TMIE: variants seen among roughly 807,000 people sequenced by gnomAD.
The protein encoded by TMIE is transmembrane inner ear expressed protein.
A neutral mutation model predicts 16.8 loss-of-function variants in TMIE; 14 were observed. The observed-to-expected ratio is 0.83, with a 90% confidence interval of 0.55 to 1.30. The LOEUF is 1.30. TMIE is among the 50% of genes most tolerant of loss of function. The pLI is 0.00. For synonymous variants in TMIE, 75 were observed against 87.2 expected, an observed-to-expected ratio of 0.86 and a Z score of 0.78; for missense variants, 204 against 205.9, an observed-to-expected ratio of 0.99 and a Z score of 0.06.
chr3:46,701,234 C>A, upstream of TMIE: 11 of 351,964 alleles, frequency 3.1e-5, no homozygotes, highest in East Asian at 5.5e-5. The surrounding 1 kb of genome is among the most constrained non-coding windows in gnomAD (Gnocchi z 4.3). Context: ...ACCTCAGTGT[C>A]CCTGGGGATG....
upstream of TMIE, among the ~76,000 whole-genome samples, chr3:46,697,123 G>GAA (rs11411968): frequency 4.6e-5 from 7 of 151,020 alleles, no homozygotes; most frequent in African/African-American, 1.2e-4. Context: ...AAAGATGGGG[G>GAA]AAAAAAAAAC....
At chr3:46,702,212 C>T (rs892345814) in intron 1 of TMIE, among the ~76,000 whole-genome samples, 3 of 152,034 alleles carry the variant, frequency 2.0e-5, no homozygotes, top group Non-Finnish European at 4.4e-5. Flanking sequence ...GGAAGTCTGA[C>T]TTGGTCCTGG....
Position 46,705,850 on chromosome 3 carries a change from T to A in TMIE, c.154T>A (p.Trp52Arg). 1 of 1,614,174 alleles carries A rather than the reference T, an allele frequency of 6.2e-7. No homozygotes were observed. The highest frequency in any genetic ancestry group is 1.6e-4 in the Middle Eastern group (1 of 6,062). ...PPLTKETVVF[W>R]DMRLWHVVGI... ...GCTGACCAAGGAGACAGTGGTGTTC[T>A]GGGACATGCGCCTGTGGCACGTGGT... The change falls in exon 2 of 4, where the codon TGG becomes AGG. Residue 52 changes from tryptophan (W) to arginine (R), a missense_variant. Transcript: ENST00000643606.
Position 46,709,615 on chromosome 3 carries a change from G to T in TMIE, c.398G>T (p.Ser133Ile). The stretch of plus-strand genomic sequence containing the variant: ...AAGAAGAAGAAGAAGAAGAAGGACA[G>T]TGTGGACACAGTGGCCATCAAAGTA... ...KKKKKKKKKD[S>I]VDTVAIKVEE... Residue 133 changes from serine (S) to isoleucine (I), a missense_variant, in exon 4 of 4, where the codon AGT becomes ATT. Transcript: ENST00000643606. 6.2e-7 allele frequency: 1 copy of T among 1,612,188 alleles called. No homozygotes were observed. Among genetic ancestry groups the T allele is most frequent in the Non-Finnish European group, 8.5e-7 (1 of 1,178,692 alleles).
intron 2 of TMIE, among the ~76,000 whole-genome samples, chr3:46,707,367 C>T (rs759484192): frequency 9.2e-5 from 14 of 152,212 alleles, no homozygotes; most frequent in Non-Finnish European, 1.6e-4. Context: ...CATCTCTAAC[C>T]CCATTTCCTA....
upstream of TMIE, among the ~76,000 whole-genome samples, chr3:46,699,803 C>G (rs968310387): frequency 6.6e-6 from 1 of 152,224 alleles, no homozygotes; most frequent in African/African-American, 2.4e-5. Context: ...CTGTAAGCAG[C>G]AGAGCACTGC....
chr3:46,697,649 G>A (rs6804514), upstream of TMIE, among the ~76,000 whole-genome samples: 64,529 of 151,964 alleles, frequency 0.42, 15,715 homozygotes, highest in African/African-American at 0.68. Flanking sequence ...AGGAACCCCA[G>A]CGTGAAGCCA....
chr3:46,694,609 C>T (rs1019155946), exon 1 of TMIE: 1 of 152,342 alleles, frequency 6.6e-6, no homozygotes, highest in African/African-American at 2.4e-5. Flanking sequence ...TGAAGAGACC[C>T]CCAGTGGAGG....
At chr3:46,696,389 G>A (rs1700412105) in intron 1 of TMIE, among the ~76,000 whole-genome samples, 1 of 152,176 alleles carries the variant, frequency 6.6e-6, no homozygotes, top group Non-Finnish European at 1.5e-5. Context: ...GTGCACCAGT[G>A]CCTTAGTACA....
chr3:46,698,049 T>G (rs1700425708), upstream of TMIE, among the ~76,000 whole-genome samples: 1 of 152,036 alleles, frequency 6.6e-6, no homozygotes, highest in Admixed American at 6.6e-5. Flanking sequence ...TTCTTTTGTT[T>G]TGTTTTGTTT....
chr3:46,699,386 T>C (rs1700444729), upstream of TMIE, among the ~76,000 whole-genome samples: 1 of 152,216 alleles, frequency 6.6e-6, no homozygotes, highest in South Asian at 2.1e-4. Flanking sequence ...GTGTTTCTCA[T>C]ACATTTGTAG....
chr3:46,694,297 G>A (rs577720903), upstream of TMIE, among the ~76,000 whole-genome samples: 69 of 152,320 alleles, frequency 4.5e-4, 1 homozygote, highest in African/African-American at 1.5e-3. Flanking sequence ...GAAGCCGGCC[G>A]CGTGTGCTTT....
chr3:46,701,671 T>C lies in TMIE; in HGVS notation c.93+91T>C. ...GGACGCCTTTTTGATCCGGAGCTTGTTTGATCCCTTACTCTTGCCCTGAGA... is the reference window on the plus strand; with the variant it reads ...GGACGCCTTTTTGATCCGGAGCTTGCTTGATCCCTTACTCTTGCCCTGAGA... On this transcript the variant is annotated intron_variant, in intron 1 of 3. Transcript: ENST00000643606. The surrounding 1 kb of genome is among the most constrained non-coding windows in gnomAD (Gnocchi z 4.3). 9.7e-7 allele frequency: 1 copy of C among 1,036,222 alleles called. No homozygotes were observed. Among genetic ancestry groups the C allele is most frequent in the Admixed American group, 4.3e-5 (1 of 23,364 alleles). 64.2% of individuals were successfully genotyped at this position (1,036,222 alleles called of 1,614,324 possible). A position where few individuals can be genotyped will look rare whatever the true frequency, so the allele number is the denominator to read the frequency against.
chr3:46,710,300 C>T lies in TMIE; in HGVS notation c.*612C>T, dbSNP rs747060976. The T allele has an allele frequency of 4.6e-4, 79 of 173,266 alleles. No homozygotes were observed. Among genetic ancestry groups the T allele is most frequent in the Non-Finnish European group, 7.8e-4 (62 of 79,450 alleles). 10.7% of individuals were successfully genotyped at this position (173,266 alleles called of 1,614,324 possible). ...AACCCCCAGCCCAGCAGACATCAAGCTCAAGGCAATGGGCTACCCTCATTT... is the reference window on the plus strand; with the variant it reads ...AACCCCCAGCCCAGCAGACATCAAGTTCAAGGCAATGGGCTACCCTCATTT... On this transcript the variant is annotated 3_prime_UTR_variant, in exon 4 of 4. Transcript: ENST00000643606.
chr3:46,699,412 G>A (rs80174104), upstream of TMIE, among the ~76,000 whole-genome samples: 6,610 of 152,236 alleles, frequency 0.043, 202 homozygotes, highest in Middle Eastern at 0.068. Context: ...TACTTCTGAG[G>A]TTATTAAAGC....
intron 3 of TMIE, 117 bp from the exon 4 acceptor site, chr3:46,709,462 G>C: frequency 6.2e-7 from 1 of 1,608,078 alleles, no homozygotes; most frequent in Non-Finnish European, 8.5e-7. Context: ...TTCTCCAGTA[G>C]GAAGAAGGAA....
chr3:46,700,022 G>T (rs1700451108), upstream of TMIE, among the ~76,000 whole-genome samples: 1 of 152,234 alleles, frequency 6.6e-6, no homozygotes, highest in African/African-American at 2.4e-5. Context: ...CTCCCTGACT[G>T]GTCAGTGTGG....
upstream of TMIE, chr3:46,701,386 C>T (rs542704620): frequency 4.5e-6 from 4 of 884,284 alleles, no homozygotes; most frequent in South Asian, 1.8e-5. The surrounding 1 kb of genome is among the most constrained non-coding windows in gnomAD (Gnocchi z 4.3). Context: ...GCTGACTACC[C>T]GTGGCCAAAG....
upstream of TMIE, among the ~76,000 whole-genome samples, chr3:46,699,514 G>C (rs934085154): frequency 6.6e-6 from 1 of 152,146 alleles, no homozygotes; most frequent in Non-Finnish European, 1.5e-5. Context: ...GGCTGTGGTG[G>C]GGTCAAGGAG....
Sources: gnomAD v4.1 joint callset for allele counts (sites outside exome capture counted in the v4.1 genomes callset) on GRCh38, gnomAD v4.1.1 for gene constraint, Gnocchi (gnomAD v3.1) non-coding constraint, MANE v1.5 for transcripts, NCBI Gene and HGNC (gene_info 2026-07-23, HGNC 2026-07-21) for gene names.